The following PRAG1 variants were observed in gnomAD, a reference collection of about 807,000 sequenced individuals.
PRAG1 encodes PEAK1 related, kinase-activating pseudokinase 1, also known as inactive tyrosine-protein kinase PRAG1.
Under a neutral mutation model 95.6 loss-of-function variants are expected in PRAG1, and 110 were observed. That is an observed-to-expected ratio of 1.15 (90% CI 0.99 to 1.35). PRAG1 has a LOEUF of 1.35. Ranked by LOEUF, PRAG1 falls within the 40% of genes most tolerant of loss-of-function variation. PRAG1 has a pLI of 0.00. For missense variants in PRAG1, 2,554 were observed against 1,864.7 expected (o/e 1.37, Z -6.81); for synonymous variants, 1,052 against 819.4 (o/e 1.28, Z -4.85).
chr8:8,376,620 G>A lies in PRAG1; in HGVS notation c.1789C>T (p.Pro597Ser), dbSNP rs200343158. 2.3e-4 allele frequency: 374 copies of A among 1,604,460 alleles called. No individual in the cohort carries two copies. In the African/African-American group the frequency reaches 3.9e-3, roughly 17 times the overall value. The change falls in exon 3 of 6, where the codon CCT becomes TCT. Residue 597 changes from proline (P) to serine (S), a missense_variant. Pro to Ser is a moderately conservative substitution (Grantham distance 74). Transcript: ENST00000615670. The stretch of plus-strand genomic sequence containing the variant: ...GCGACACCGTTGGTCCGGCAGGAAG[G>A]AGCGGGGTCAGCAGGACCTTGGGAT... ...PPSQGPADPA[P>S]SCRTNGVAIS...
chr8:8,327,961 G>C lies in PRAG1; in HGVS notation c.2821C>G (p.Leu941Val), dbSNP rs1050317443. ...TCCTTGCTGCTGATGTTGCTCAGGA[G>C]ACCGTGCAGCTGAAGCTGGGTGCTC... ...TGSTQLQLHG[L>V]LSNISSKEGT... Residue 941 changes from leucine (L) to valine (V), a missense_variant, in exon 5 of 6, where the codon CTC becomes GTC. By Grantham distance (32) the Leu-to-Val change is conservative. Coordinates refer to ENST00000615670, the MANE Select transcript of PRAG1 (RefSeq NM_001080826.3). 3 of 1,608,982 alleles carry C rather than the reference G, an allele frequency of 1.9e-6. No homozygotes were observed. In the Admixed American group the frequency reaches 5.0e-5, roughly 27 times the overall value.
At chr8:8,382,530 A>C (rs1324659520) in intron 1 of PRAG1, among the ~76,000 whole-genome samples, 1 of 152,212 alleles carries the variant, frequency 6.6e-6, no homozygotes, top group Non-Finnish European at 1.5e-5. Flanking sequence ...TTATAGGCCA[A>C]AGGGGCAAAC....
At chr8:8,349,465 G>A (rs1413744842) in intron 3 of PRAG1, among the ~76,000 whole-genome samples, 1 of 151,928 alleles carries the variant, frequency 6.6e-6, no homozygotes, top group Non-Finnish European at 1.5e-5. Context: ...TATATTTTTA[G>A]TAGAGACGGG....
chr8:8,346,948 C>A (rs1179836434), intron 3 of PRAG1, among the ~76,000 whole-genome samples: 1 of 152,126 alleles, frequency 6.6e-6, no homozygotes, highest in South Asian at 2.1e-4. Context: ...ACTGCTGGCT[C>A]TTGGGATTGG....
chr8:8,348,451 A>C (rs1563240464), intron 3 of PRAG1, among the ~76,000 whole-genome samples: 1 of 152,190 alleles, frequency 6.6e-6, no homozygotes, highest in Non-Finnish European at 1.5e-5. Context: ...TCCATTGTAC[A>C]CATTCCAACA....
chr8:8,324,683 G>A (rs755223897), intron 5 of PRAG1, among the ~76,000 whole-genome samples: 8 of 152,138 alleles, frequency 5.3e-5, no homozygotes, highest in Non-Finnish European at 8.8e-5. Flanking sequence ...ACGTTTTGCT[G>A]AGCCAGGACT....
rs1326942133 is a variant in PRAG1 at position 8,381,679 on chromosome 8, G to A, written c.69C>T (p.His23=). ...KMSACSDFVE[H]IWKPGSCKNC... ...TCTTGCAGGACCCGGGTTTCCAGAT[G>A]TGCTCCACAAAGTCACTGCACGCAG... Residue 23 remains histidine (H), a synonymous_variant, in exon 2 of 6, where the codon CAC becomes CAT. Coordinates refer to ENST00000615670, the MANE Select transcript of PRAG1 (RefSeq NM_001080826.3). 1.2e-6 allele frequency: 2 copies of A among 1,613,452 alleles called. No individual in the cohort carries two copies. Among genetic ancestry groups the A allele is most frequent in the African/African-American group, 2.7e-5 (2 of 74,924 alleles).
At position 8,377,227 on chromosome 8, in the gene PRAG1, C is replaced by T. The variant is rs189022583; in HGVS notation, c.1182G>A (p.Thr394=). ...GGTGGGCCGGGGGCTGGGGCTCCCC[C>T]GTCAGCCCAAGGCATCTGCTAGGGG... ...GVTPSRCLGL[T]GEPQPPAHPR... The change falls in exon 3 of 6, where the codon ACG becomes ACA. Residue 394 remains threonine, a synonymous_variant. Coordinates refer to ENST00000615670, the MANE Select transcript of PRAG1 (RefSeq NM_001080826.3). 1.1e-3 allele frequency: 1,724 copies of T among 1,612,400 alleles called. 19 individuals are homozygous for T. In the African/African-American group the frequency reaches 0.02, roughly 18 times the overall value.
At chr8:8,365,535 A>G (rs1247717112) in intron 3 of PRAG1, among the ~76,000 whole-genome samples, 1 of 152,150 alleles carries the variant, frequency 6.6e-6, no homozygotes, top group Non-Finnish European at 1.5e-5. Context: ...GAGGCAGGAG[A>G]ATCACTTAAG....
chr8:8,349,825 T>C (rs1585246550), intron 3 of PRAG1, among the ~76,000 whole-genome samples: 1 of 152,110 alleles, frequency 6.6e-6, no homozygotes, highest in South Asian at 2.1e-4. Flanking sequence ...CACTAGTGAC[T>C]CTTCTGGAGC....
chr8:8,346,433 C>T (rs1228139654), intron 3 of PRAG1, among the ~76,000 whole-genome samples: 1 of 152,210 alleles, frequency 6.6e-6, no homozygotes, highest in East Asian at 1.9e-4. Flanking sequence ...GTGAAAGGTA[C>T]AGGCCAGTGG....
intron 3 of PRAG1, among the ~76,000 whole-genome samples, chr8:8,372,624 A>C (rs1800247057): frequency 6.6e-6 from 1 of 152,200 alleles, no homozygotes; most frequent in Non-Finnish European, 1.5e-5. Flanking sequence ...TCTGGGCATA[A>C]AATGAGCATG....
At chr8:8,373,646 T>C (rs1170463586) in intron 3 of PRAG1, among the ~76,000 whole-genome samples, 7 of 152,148 alleles carry the variant, frequency 4.6e-5, no homozygotes, top group African/African-American at 1.7e-4. Context: ...GGAGACTGGG[T>C]TTCACCATGT....
At chr8:8,361,904 G>T (rs866914785) in intron 3 of PRAG1, among the ~76,000 whole-genome samples, 1 of 152,168 alleles carries the variant, frequency 6.6e-6, no homozygotes, top group Non-Finnish European at 1.5e-5. Flanking sequence ...TTATTAGGGG[G>T]AATCTGATCA....
Position 8,318,623 on chromosome 8 carries a change from T to A in PRAG1, c.3752A>T (p.Lys1251Met), listed in dbSNP as rs1181528168. ...PEIVSASQYR[K>M]FDEFQTGILI... Reference sequence around the variant, plus strand: ...GATGCCTGTCTGGAACTCATCGAACTTGCGGTACTGGGAAGCAGACACGAT... The same window carrying A: ...GATGCCTGTCTGGAACTCATCGAACATGCGGTACTGGGAAGCAGACACGAT... The change falls in exon 6 of 6, where the codon AAG becomes ATG. Residue 1251 changes from lysine (K) to methionine (M), a missense_variant. Physicochemically the swap from Lys to Met is moderately conservative, Grantham distance 95 (BLOSUM62 -1). Coordinates refer to ENST00000615670, the MANE Select transcript of PRAG1 (RefSeq NM_001080826.3). The surrounding 1 kb of genome is among the most constrained non-coding windows in gnomAD (Gnocchi z 4.2). 1 of 1,612,294 alleles carries A rather than the reference T, an allele frequency of 6.2e-7. No homozygotes were observed. Among genetic ancestry groups the A allele is most frequent in the South Asian group, 1.1e-5 (1 of 90,996 alleles).
intron 1 of PRAG1, among the ~76,000 whole-genome samples, chr8:8,385,153 G>C (rs775043205): frequency 3.9e-5 from 6 of 152,066 alleles, no homozygotes; most frequent in African/African-American, 1.5e-4. Flanking sequence ...ATTTTTTTCT[G>C]TATGTTACAG....
At chr8:8,336,383 C>G (rs1267127866) in intron 4 of PRAG1, among the ~76,000 whole-genome samples, 1 of 152,192 alleles carries the variant, frequency 6.6e-6, no homozygotes, top group Non-Finnish European at 1.5e-5. Context: ...CCTGCAAAAA[C>G]CTTCCCCTTG....
At position 8,376,627 on chromosome 8, in the gene PRAG1, G is replaced by A. The variant is rs1397643988; in HGVS notation, c.1782C>T (p.Asp594=). 3.1e-6 allele frequency: 5 copies of A among 1,605,184 alleles called. No individual in the cohort carries two copies. The highest frequency in any genetic ancestry group is 3.4e-5 in the Admixed American group (2 of 59,472). ...CGTTGGTCCGGCAGGAAGGAGCGGG[G>A]TCAGCAGGACCTTGGGATGGAGGCT... The part of the protein sequence containing the change: ...GPQPPSQGPA[D]PAPSCRTNGV... The change falls in exon 3 of 6, where the codon GAC becomes GAT. Residue 594 remains aspartate (D), a synonymous_variant. Coordinates refer to ENST00000615670, the MANE Select transcript of PRAG1 (RefSeq NM_001080826.3).
intron 5 of PRAG1, among the ~76,000 whole-genome samples, chr8:8,322,932 T>C (rs1035102066): frequency 6.6e-6 from 1 of 152,166 alleles, no homozygotes. Flanking sequence ...TTTGGGAACA[T>C]GGTCTCAGGA....
Sources: gnomAD v4.1 joint callset for allele counts (sites outside exome capture counted in the v4.1 genomes callset) on GRCh38, gnomAD v4.1.1 for gene constraint, Gnocchi (gnomAD v3.1) non-coding constraint, MANE v1.5 for transcripts, NCBI Gene and HGNC (gene_info 2026-07-23, HGNC 2026-07-21) for gene names.